CRELD2: variants seen among roughly 807,000 people sequenced by gnomAD.
The protein encoded by CRELD2 is CRELD disulfide isomerase 2.
A neutral mutation model predicts 48.1 loss-of-function variants in CRELD2; 33 were observed. The ratio of observed to expected loss-of-function variants is 0.69; its 90% CI spans 0.52 to 0.92. CRELD2 has a LOEUF of 0.92. CRELD2 is among the 40% of genes least tolerant of loss of function. CRELD2 has a pLI of 0.00. For synonymous variants in CRELD2, 220 were observed against 203.9 expected, an observed-to-expected ratio of 1.08 and a Z score of -0.67; for missense variants, 477 against 482.4, an observed-to-expected ratio of 0.99 and a Z score of 0.10.
intron 9 of CRELD2, 123 bp from the exon 10 acceptor site, chr22:49,927,132 G>A (rs576592405): frequency 5.6e-5 from 48 of 859,586 alleles, no homozygotes; most frequent in Non-Finnish European, 8.5e-5. Context: ...GGATGGCTGC[G>A]TCCGGGGCTT....
rs1200028197 is a variant in CRELD2 at position 49,922,921 on chromosome 22, GTGAGGTGGGGGCGTGAGGTGTGGGGGCA to G, written c.688+215_688+242del. Among the ~76,000 whole-genome samples, 59 of 102,588 alleles carry G rather than the reference GTGAGGTGGGGGCGTGAGGTGTGGGGGCA, an allele frequency of 5.8e-4. 3 individuals carry two copies. Among genetic ancestry groups the G allele is most frequent in the African/African-American group, 1.4e-3 (27 of 19,702 alleles). The allele number at this position is 102,588 out of a possible 152,430, so 67.3% of individuals were successfully genotyped here. A position where few individuals can be genotyped will look rare whatever the true frequency, so the allele number is the denominator to read the frequency against. ...GAGGTGGGGCGTGAGGTGTGGGGGC[GTGAGGTGGGGGCGTGAGGTGTGGGGGCA>G]CTCACTGTCTCACTCTCACACAATG... On this transcript the variant is annotated intron_variant, in intron 6 of 9. Coordinates refer to ENST00000328268, the MANE Select transcript of CRELD2 (RefSeq NM_024324.5).
intron 9 of CRELD2, 135 bp downstream of exon 9, chr22:49,925,692 G>A: frequency 6.7e-7 from 1 of 1,503,306 alleles, no homozygotes; most frequent in Non-Finnish European, 8.9e-7. Context: ...CCGGAAGACA[G>A]GTGCATGACA....
rs775878854 is a variant in CRELD2 at position 49,924,331 on chromosome 22, CG to C, written c.773-25del. The stretch of plus-strand genomic sequence containing the variant: ...ACGGGCACTGGTGCCTTGTGCATGT[CG>C]GGGTCTGACGCTGGCTCCCTGTTGC... On this transcript the variant is annotated intron_variant, in intron 7 of 9. Transcript: ENST00000328268. The C allele has an allele frequency of 3.9e-6, 6 of 1,554,796 alleles. No individual in the cohort carries two copies. The African/African-American group carries it at 4.1e-5, about 11-fold the overall frequency.
chr22:49,919,449 G>C, intron 2 of CRELD2, 137 bp downstream of exon 2: 1 of 790,468 alleles, frequency 1.3e-6, no homozygotes, highest in East Asian at 2.7e-5. Flanking sequence ...GAGTCACCTC[G>C]GCTTCTCCCT....
At chr22:49,923,932 G>A (rs558006011) in intron 7 of CRELD2, 14 of 233,132 alleles carry the variant, frequency 6.0e-5, no homozygotes, top group African/African-American at 2.6e-4. Context: ...CCTCTGCCCC[G>A]TGTGTGTGAC....
At chr22:49,921,100 C>T (rs1176812259) in intron 4 of CRELD2, among the ~76,000 whole-genome samples, 2 of 152,042 alleles carry the variant, frequency 1.3e-5, no homozygotes, top group African/African-American at 2.4e-5. Context: ...ATGGTGCAGC[C>T]GCTCTGCACC....
chr22:49,922,790 TGAGGCATGGGGGCGG>T (rs2060707144), intron 6 of CRELD2, 83 bp downstream of exon 6: 1 of 48,082 alleles, frequency 2.1e-5, no homozygotes, highest in East Asian at 6.2e-4. Flanking sequence ...GTGGGGGGTG[TGAGGCATGGGGGCGG>T]GAGGCAGGGG....
chr22:49,923,909 A>AGAGGC (rs2060729813), intron 7 of CRELD2: 1 of 243,970 alleles, frequency 4.1e-6, no homozygotes, highest in African/African-American at 2.3e-5. Flanking sequence ...TCCCAGCAGC[A>AGAGGC]GGGAGGAGGC....
chr22:49,925,729 A>C, intron 9 of CRELD2, 172 bp downstream of exon 9: 1 of 1,434,094 alleles, frequency 7.0e-7, no homozygotes, highest in Non-Finnish European at 9.1e-7. Flanking sequence ...CTTGCGCGAG[A>C]GGTACTGGCT....
chr22:49,921,536 A>G, intron 4 of CRELD2, 49 bp from the exon 5 acceptor site: 1 of 1,577,184 alleles, frequency 6.3e-7, no homozygotes, highest in East Asian at 2.3e-5. Context: ...AGAACACCGC[A>G]CCGGTCACCA....
rs28473584 is a variant in CRELD2 at position 49,921,765 on chromosome 22, C to A, written c.592+4C>A. 8 of 1,603,698 alleles carry A rather than the reference C, an allele frequency of 5.0e-6. 1 individual carries two copies. The highest frequency in any genetic ancestry group is 1.7e-4 in the Middle Eastern group (1 of 6,038). On this transcript the variant is annotated splice_donor_region_variant and intron_variant, in intron 5 of 9. Coordinates refer to ENST00000328268, the MANE Select transcript of CRELD2 (RefSeq NM_024324.5). Reference sequence around the variant, plus strand: ...GAGACCCACAGCATCTGCACAGGTACGGGCTACGCCTGGGCTGGCCCCGGG... The same window carrying A: ...GAGACCCACAGCATCTGCACAGGTAAGGGCTACGCCTGGGCTGGCCCCGGG...
At chr22:49,924,498 A>G (rs2060737907) in intron 8 of CRELD2, 43 bp downstream of exon 8, 1 of 1,423,938 alleles carries the variant, frequency 7.0e-7, no homozygotes, top group Non-Finnish European at 9.7e-7. Flanking sequence ...GACCCTTCCC[A>G]AGTGACCATG....
chr22:49,922,717 G>T lies in CRELD2; in HGVS notation c.688+10G>T. 6.6e-7 allele frequency: 1 copy of T among 1,518,704 alleles called. No individual in the cohort carries two copies. The highest frequency in any genetic ancestry group is 8.8e-7 in the Non-Finnish European group (1 of 1,138,448). 94.1% of individuals were successfully genotyped at this position (1,518,704 alleles called of 1,614,324 possible). On this transcript the variant is annotated intron_variant, in intron 6 of 9. Transcript: ENST00000328268. ...GAGGGCGCCTGTGTGGGTGAGGAGCGGCCCGGGGGTGGAGGAGGGCGCCTG... is the reference window on the plus strand; with the variant it reads ...GAGGGCGCCTGTGTGGGTGAGGAGCTGCCCGGGGGTGGAGGAGGGCGCCTG...
chr22:49,926,958 C>T lies in CRELD2; in HGVS notation c.1010-297C>T, dbSNP rs190054389. Among the ~76,000 whole-genome samples, 130 of 129,354 alleles carry T rather than the reference C, an allele frequency of 1.0e-3. No individual in the cohort carries two copies. In the East Asian group the frequency reaches 0.017, roughly 16 times the overall value. The allele number at this position is 129,354 out of a possible 152,430, so 84.9% of individuals were successfully genotyped here. ...ACCCTCGGTCCCCTCTTTCTCCTCCCGCCACAACCATTGTTCAGGCTCCCA... is the reference window on the plus strand; with the variant it reads ...ACCCTCGGTCCCCTCTTTCTCCTCCTGCCACAACCATTGTTCAGGCTCCCA... On this transcript the variant is annotated intron_variant, in intron 9 of 9. Transcript: ENST00000328268.
rs918054854 is a variant in CRELD2, at chr22:49,919,985, C to A, written c.323+145C>A. On this transcript the variant is annotated intron_variant, in intron 3 of 9. Coordinates refer to ENST00000328268, the MANE Select transcript of CRELD2 (RefSeq NM_024324.5). ...TTACCCCTGCATTACCGTTTTTTAT[C>A]ACCAGAGTCAGCGATCAAAACCAGG... 6.2e-6 allele frequency: 5 copies of A among 807,584 alleles called. No individual in the cohort carries two copies. In the African/African-American group the frequency reaches 7.0e-5, roughly 11 times the overall value. 50.0% of individuals were successfully genotyped at this position (807,584 alleles called of 1,614,324 possible). A position where few individuals can be genotyped will look rare whatever the true frequency, so the allele number is the denominator to read the frequency against.
rs750592804 is a variant in CRELD2 at position 49,921,766 on chromosome 22, G to A, written c.592+5G>A. 296 of 1,603,030 alleles carry A rather than the reference G, an allele frequency of 1.8e-4. 1 individual carries two copies. In the East Asian group the frequency reaches 4.7e-3, roughly 26 times the overall value. ...AGACCCACAGCATCTGCACAGGTACGGGCTACGCCTGGGCTGGCCCCGGGG... is the reference window on the plus strand; with the variant it reads ...AGACCCACAGCATCTGCACAGGTACAGGCTACGCCTGGGCTGGCCCCGGGG... On this transcript the variant is annotated splice_donor_5th_base_variant and intron_variant, in intron 5 of 9. Coordinates refer to ENST00000328268, the MANE Select transcript of CRELD2 (RefSeq NM_024324.5).
At chr22:49,923,465 T>C (rs768913319) in intron 7 of CRELD2, 148 bp downstream of exon 7, 169 of 725,968 alleles carry the variant, frequency 2.3e-4, no homozygotes, top group Middle Eastern at 1.6e-3. Flanking sequence ...TCATAGGTAT[T>C]TGCTGCAGGA....
chr22:49,922,771 GC>G, intron 6 of CRELD2, 64 bp downstream of exon 6: 2 of 384,716 alleles, frequency 5.2e-6, no homozygotes, highest in African/African-American at 2.5e-5. Flanking sequence ...TGAGATGGGG[GC>G]GTAAGGCGTG....
intron 1 of CRELD2, 35 bp from the exon 2 acceptor site, chr22:49,919,195 T>C: frequency 6.2e-7 from 1 of 1,604,660 alleles, no homozygotes; most frequent in African/African-American, 1.3e-5. Flanking sequence ...CCGGGTCAGG[T>C]GGTACCAAGC....
Sources: gnomAD v4.1 joint callset for allele counts (sites outside exome capture counted in the v4.1 genomes callset) on GRCh38, gnomAD v4.1.1 for gene constraint, MANE v1.5 for transcripts, NCBI Gene and HGNC (gene_info 2026-07-23, HGNC 2026-07-21) for gene names.